Variants in SRGAP2 observed in about 807,000 individuals in gnomAD.
SRGAP2 encodes SLIT-ROBO Rho GTPase activating protein 2.
Under a neutral mutation model 57.2 loss-of-function variants are expected in SRGAP2, and 15 were observed. The observed-to-expected ratio is 0.26, with a 90% CI of 0.18 to 0.40. SRGAP2 has a LOEUF of 0.40. SRGAP2 is among the 10% of genes least tolerant of loss of function. The pLI is 1.00. For synonymous variants in SRGAP2, 249 were observed against 248.0 expected (o/e 1.00, Z -0.04); for missense variants, 520 against 669.6 (o/e 0.78, Z 2.47).
intron 4 of SRGAP2, among the ~76,000 whole-genome samples, chr1:206,374,341 G>A (rs1160871998): frequency 1.1e-4 from 16 of 147,374 alleles, no homozygotes; most frequent in Middle Eastern, 3.4e-3. Flanking sequence ...TCAAGTGTAC[G>A]TGGAACATTT....
chr1:206,303,670 A>C (rs1464268532), intron 3 of SRGAP2, among the ~76,000 whole-genome samples, 197 bp downstream of exon 3: 57 of 152,296 alleles, frequency 3.7e-4, no homozygotes, highest in African/African-American at 1.3e-3. Context: ...AGAGTAGATG[A>C]TGAACCATGC....
intron 15 of SRGAP2, 86 bp from the exon 16 acceptor site, chr1:206,437,878 C>G: frequency 1.3e-6 from 1 of 751,896 alleles, no homozygotes; most frequent in Non-Finnish European, 2.5e-6. Context: ...CCAGGACATG[C>G]ATGGTTCACC....
intron 11 of SRGAP2, among the ~76,000 whole-genome samples, chr1:206,416,562 G>T (rs1659718321): frequency 6.6e-6 from 1 of 152,194 alleles, no homozygotes; most frequent in African/African-American, 2.4e-5. Flanking sequence ...CTCATAGAAT[G>T]ATTTTAACCA....
intron 7 of SRGAP2, 96 bp downstream of exon 7, chr1:206,393,769 C>T (rs1553352324): frequency 1.9e-6 from 1 of 520,396 alleles, no homozygotes; most frequent in Non-Finnish European, 3.5e-6. Context: ...GAATCTGGTG[C>T]ATTTTGAGAA....
intron 2 of SRGAP2, among the ~76,000 whole-genome samples, chr1:206,237,942 ATT>A (rs1668003685): frequency 1.5e-5 from 1 of 67,632 alleles, no homozygotes; most frequent in Non-Finnish European, 3.0e-5. Context: ...TAATTCCTCT[ATT>A]AAACTATAAG....
At chr1:206,267,983 A>G (rs1553315066) in intron 2 of SRGAP2, among the ~76,000 whole-genome samples, 2 of 148,956 alleles carry the variant, frequency 1.3e-5, no homozygotes, top group South Asian at 2.1e-4. Context: ...CAGTGTGAAA[A>G]TATCCTTTAA....
chr1:206,227,436 G>A (rs1268364439), intron 2 of SRGAP2, among the ~76,000 whole-genome samples: 5 of 151,574 alleles, frequency 3.3e-5, no homozygotes, highest in African/African-American at 9.7e-5. Context: ...ACCTATTTAC[G>A]CATAGTTGAG....
intron 13 of SRGAP2, among the ~76,000 whole-genome samples, chr1:206,421,578 A>G (rs1465513592): frequency 1.3e-5 from 2 of 152,208 alleles, no homozygotes; most frequent in African/African-American, 4.8e-5. Context: ...TTCCAAGACC[A>G]CAAAAGAGGC....
At chr1:206,369,484 G>A (rs1402738985) in intron 4 of SRGAP2, among the ~76,000 whole-genome samples, 3 of 151,910 alleles carry the variant, frequency 2.0e-5, no homozygotes, top group African/African-American at 7.3e-5. Flanking sequence ...ATGAGAAAAG[G>A]TATTTTCAAA....
At chr1:206,255,900 A>G (rs1669153598) in intron 2 of SRGAP2, among the ~76,000 whole-genome samples, 1 of 150,354 alleles carries the variant, frequency 6.7e-6, no homozygotes, top group Non-Finnish European at 1.5e-5. Flanking sequence ...AAGCGAATTA[A>G]TCCCGGATCT....
Position 206,458,633 on chromosome 1 carries a change from C to T in SRGAP2, c.2518C>T (p.Arg840Cys), listed in dbSNP as rs782539732. The T allele has an allele frequency of 2.7e-6, 2 of 753,898 alleles. No individual in the cohort carries two copies. The highest frequency in any genetic ancestry group is 1.4e-5 in the South Asian group (1 of 70,752). The allele number at this position is 753,898 out of a possible 1,614,324, so 46.7% of individuals were successfully genotyped here. ...YLANINKQRK[R>C]PESGSIRKTF... ...TGTTTGTGATTGAAGGCAAAGGAAG[C>T]GTCCAGAATCTGGGAGCATCCGGAA... Residue 840 changes from arginine (R) to cysteine (C), a missense_variant, in exon 22 of 23, where the codon CGT becomes TGT. Coordinates refer to ENST00000573034, the MANE Select transcript of SRGAP2 (RefSeq NM_015326.5).
intron 3 of SRGAP2, among the ~76,000 whole-genome samples, chr1:206,309,165 CT>C (rs369796466): frequency 2.3e-4 from 30 of 131,144 alleles, no homozygotes; most frequent in African/African-American, 5.9e-4. Flanking sequence ...GACCCTGTGT[CT>C]TAAAAAAAAA....
At chr1:206,373,928 A>G (rs1654958786) in intron 4 of SRGAP2, among the ~76,000 whole-genome samples, 1 of 152,118 alleles carries the variant, frequency 6.6e-6, no homozygotes, top group African/African-American at 2.4e-5. Context: ...CAAAAAAGTC[A>G]GTAAAAATAC....
At chr1:206,278,531 A>AT (rs1428000622) in intron 2 of SRGAP2, among the ~76,000 whole-genome samples, 5 of 141,776 alleles carry the variant, frequency 3.5e-5, no homozygotes, top group African/African-American at 1.4e-4. Flanking sequence ...TTAATTTTTA[A>AT]TTTTTATTTT....
chr1:206,410,824 T>G (rs1659155185), intron 10 of SRGAP2, among the ~76,000 whole-genome samples: 1 of 152,232 alleles, frequency 6.6e-6, no homozygotes, highest in African/African-American at 2.4e-5. Flanking sequence ...TAGCCAAGGT[T>G]TACCAAAGCT....
At chr1:206,327,039 A>AT (rs1558311751) in intron 3 of SRGAP2, among the ~76,000 whole-genome samples, 1 of 152,062 alleles carries the variant, frequency 6.6e-6, no homozygotes, top group Non-Finnish European at 1.5e-5. Flanking sequence ...GCAAAAAAAA[A>AT]GTATGGGCCG....
chr1:206,260,135 T>G (rs2052560997), intron 2 of SRGAP2, among the ~76,000 whole-genome samples: 1 of 89,760 alleles, frequency 1.1e-5, no homozygotes, highest in Non-Finnish European at 2.2e-5. Flanking sequence ...GAACACATTT[T>G]AACCCCGTCT....
intron 2 of SRGAP2, among the ~76,000 whole-genome samples, chr1:206,302,731 T>G: frequency 6.6e-6 from 1 of 150,386 alleles, no homozygotes; most frequent in East Asian, 2.0e-4. Context: ...CTGACCTTCA[T>G]CCTACTTCAT....
intron 2 of SRGAP2, among the ~76,000 whole-genome samples, chr1:206,275,677 C>T (rs1479597023): frequency 9.4e-5 from 14 of 148,656 alleles, no homozygotes; most frequent in South Asian, 2.1e-4. Flanking sequence ...TGCAGTGGCG[C>T]GATCTCTGCT....
Sources: allele counts gnomAD v4.1 joint callset (sites outside exome capture counted in the v4.1 genomes callset), GRCh38; gene constraint gnomAD v4.1.1; transcripts MANE v1.5; gene names NCBI Gene and HGNC (gene_info 2026-07-23, HGNC 2026-07-21).